TTC29: variants seen among roughly 807,000 people sequenced by gnomAD.
TTC29 encodes the protein tetratricopeptide repeat domain 29.
TTC29 carries 49 observed loss-of-function variants against 58.1 expected under a neutral mutation model. That is an observed-to-expected ratio of 0.84 (90% CI 0.67 to 1.07). TTC29 has a LOEUF of 1.07. TTC29 is among the 50% of genes least tolerant of loss of function. The pLI is 0.00. For synonymous variants in TTC29, 209 were observed against 196.8 expected, an observed-to-expected ratio of 1.06 and a Z score of -0.52; for missense variants, 582 against 555.6, an observed-to-expected ratio of 1.05 and a Z score of -0.48.
At chr4:146,912,608 G>A (rs1373870060) in intron 4 of TTC29, among the ~76,000 whole-genome samples, 2 of 152,074 alleles carry the variant, frequency 1.3e-5, no homozygotes, top group African/African-American at 4.8e-5. Flanking sequence ...ACACTAGGGA[G>A]GATCAAGGCT....
intron 9 of TTC29, among the ~76,000 whole-genome samples, 152 bp downstream of exon 9, chr4:146,833,654 T>C (rs1579786774): frequency 6.6e-6 from 1 of 152,182 alleles, no homozygotes; most frequent in East Asian, 1.9e-4. Flanking sequence ...CCAAACTGGT[T>C]TAAAATAACT....
intron 11 of TTC29, among the ~76,000 whole-genome samples, chr4:146,762,285 G>A (rs1373651223): frequency 2.0e-5 from 3 of 151,626 alleles, no homozygotes; most frequent in Admixed American, 1.3e-4. Context: ...GTGGTACAAC[G>A]TCTGAGGTTG....
At chr4:146,793,551 C>T (rs1368511363) in intron 11 of TTC29, among the ~76,000 whole-genome samples, 1 of 152,004 alleles carries the variant, frequency 6.6e-6, no homozygotes, top group Non-Finnish European at 1.5e-5. Context: ...TTTATATGTA[C>T]TAAGAAACCA....
intron 11 of TTC29, among the ~76,000 whole-genome samples, chr4:146,786,389 A>G (rs1749018202): frequency 6.6e-6 from 1 of 152,040 alleles, no homozygotes; most frequent in African/African-American, 2.4e-5. Flanking sequence ...AATTTAATCC[A>G]CTCTACTCAC....
In TTC29 at chr4:146,829,885, T is replaced by C. The variant is rs561002362; in HGVS notation, c.977+3921A>G. On this transcript the variant is annotated intron_variant, in intron 9 of 12. Coordinates refer to ENST00000325106, the MANE Select transcript of TTC29 (RefSeq NM_031956.4). ...TGTGAATGTTTTTCTCTGTATTCTTTTAAATAATCTGAGTATTTTGGAAAG... is the reference window on the plus strand; with the variant it reads ...TGTGAATGTTTTTCTCTGTATTCTTCTAAATAATCTGAGTATTTTGGAAAG... Among the ~76,000 whole-genome samples the C allele has an allele frequency of 1.1e-4, 16 of 152,302 alleles. No homozygotes were observed. In the South Asian group the frequency reaches 3.1e-3, roughly 30 times the overall value.
chr4:146,733,687 C>T (rs1021318993), intron 11 of TTC29, among the ~76,000 whole-genome samples: 1 of 152,024 alleles, frequency 6.6e-6, no homozygotes, highest in African/African-American at 2.4e-5. Context: ...CTTTGAGTGG[C>T]TTTCTCAACA....
At position 146,799,472 on chromosome 4, in the gene TTC29, T is replaced by G. The variant is rs963472624; in HGVS notation, c.1330+3985A>C. ...TCAATATTAAGCCCAGGGACCCACA[T>G]TAAGCCAACATAAACCAAGGGCTGT... On this transcript the variant is annotated intron_variant, in intron 11 of 12. Coordinates refer to ENST00000325106, the MANE Select transcript of TTC29 (RefSeq NM_031956.4). Among the ~76,000 whole-genome samples the G allele has an allele frequency of 2.0e-5, 3 of 152,256 alleles. No homozygotes were observed. In the East Asian group the frequency reaches 5.8e-4, roughly 29 times the overall value.
intron 3 of TTC29, among the ~76,000 whole-genome samples, chr4:146,938,173 C>T (rs759818681): frequency 3.9e-5 from 6 of 152,020 alleles, no homozygotes; most frequent in Non-Finnish European, 8.8e-5. Context: ...GTTCAAGGTG[C>T]AAAATGATTT....
At chr4:146,716,819 T>C (rs185175697) in intron 11 of TTC29, among the ~76,000 whole-genome samples, 380 of 152,308 alleles carry the variant, frequency 2.5e-3, no homozygotes, top group Non-Finnish European at 3.1e-3. Flanking sequence ...AGCTAAGATA[T>C]TCTTCCTCTT....
rs182390596 is a variant in TTC29, at chr4:146,832,906, T to G, written c.977+900A>C. Among the ~76,000 whole-genome samples, 709 of 152,330 alleles carry G rather than the reference T, an allele frequency of 4.7e-3. 9 individuals carry two copies. The highest frequency in any genetic ancestry group is 0.016 in the African/African-American group (679 of 41,564). ...GTACTGATATTTTAAACTATGATTATTATATTAGTAATGGTACTTATATAA... is the reference window on the plus strand; with the variant it reads ...GTACTGATATTTTAAACTATGATTAGTATATTAGTAATGGTACTTATATAA... On this transcript the variant is annotated intron_variant, in intron 9 of 12. Coordinates refer to ENST00000325106, the MANE Select transcript of TTC29 (RefSeq NM_031956.4).
intron 11 of TTC29, among the ~76,000 whole-genome samples, chr4:146,732,029 C>T (rs956697239): frequency 6.6e-6 from 1 of 152,068 alleles, no homozygotes; most frequent in Non-Finnish European, 1.5e-5. Flanking sequence ...GTGATGTTTC[C>T]AGAAGTAACA....
chr4:146,901,953 C>T (rs571210379), intron 6 of TTC29, among the ~76,000 whole-genome samples: 17 of 152,282 alleles, frequency 1.1e-4, no homozygotes, highest in Non-Finnish European at 1.9e-4. Flanking sequence ...GTTGAATGAA[C>T]CAATGACTTT....
At chr4:146,733,555 T>C (rs1365102877) in intron 11 of TTC29, among the ~76,000 whole-genome samples, 1 of 152,124 alleles carries the variant, frequency 6.6e-6, no homozygotes, top group Admixed American at 6.6e-5. Context: ...TACTTAGAAA[T>C]AATTCTACAT....
chr4:146,945,658 T>C (rs1389542798), intron 1 of TTC29, 51 bp downstream of exon 1: 1 of 152,562 alleles, frequency 6.6e-6, no homozygotes, highest in Non-Finnish European at 1.5e-5. Flanking sequence ...AGCCTGCCTC[T>C]CCAAGGAGCT....
At chr4:146,825,940 TAAAAA>T (rs1166927825) in intron 9 of TTC29, among the ~76,000 whole-genome samples, 17 of 150,122 alleles carry the variant, frequency 1.1e-4, no homozygotes, top group African/African-American at 9.8e-5. Context: ...CTTTTTTTTT[TAAAAA>T]AATTTCCATT....
At chr4:146,858,885 T>G (rs964388685) in intron 8 of TTC29, among the ~76,000 whole-genome samples, 6 of 152,204 alleles carry the variant, frequency 3.9e-5, no homozygotes, top group Admixed American at 1.3e-4. Flanking sequence ...CATCAATTAA[T>G]GATGTTGTTG....
chr4:146,930,369 C>T (rs888869060), intron 4 of TTC29, among the ~76,000 whole-genome samples: 1 of 151,836 alleles, frequency 6.6e-6, no homozygotes, highest in Non-Finnish European at 1.5e-5. Flanking sequence ...TAATGCTGTT[C>T]CCTTCTAATC....
chr4:146,903,472 C>T (rs534402894), intron 6 of TTC29, 72 bp downstream of exon 6: 1,550 of 1,343,320 alleles, frequency 1.2e-3, no homozygotes, highest in South Asian at 1.2e-3. Context: ...TCGACCACCA[C>T]GTGTTTTTCC....
At chr4:146,936,864 CAATT>C (rs1358412811) in intron 4 of TTC29, among the ~76,000 whole-genome samples, 1 of 151,988 alleles carries the variant, frequency 6.6e-6, no homozygotes, top group Non-Finnish European at 1.5e-5. Flanking sequence ...TTAATTGAAA[CAATT>C]AATGAATTCC....
Sources: allele counts gnomAD v4.1 joint callset (sites outside exome capture counted in the v4.1 genomes callset), GRCh38; gene constraint gnomAD v4.1.1; transcripts MANE v1.5; gene names NCBI Gene and HGNC (gene_info 2026-07-23, HGNC 2026-07-21).